Variants in NAALADL2 observed in about 807,000 individuals in gnomAD.
NAALADL2 encodes the protein N-acetylated alpha-linked acidic dipeptidase like 2.
NAALADL2 carries 76 observed loss-of-function variants against 87.2 expected under a neutral mutation model. The observed-to-expected ratio is 0.87, with a 90% CI of 0.72 to 1.05. The LOEUF is 1.05. Ranked by LOEUF, NAALADL2 falls within the 50% of genes least tolerant of loss-of-function variation. NAALADL2 has a pLI of 0.00. For missense variants in NAALADL2, 1,089 were observed against 945.8 expected, an observed-to-expected ratio of 1.15 and a Z score of -1.99; for synonymous variants, 354 against 331.0, an observed-to-expected ratio of 1.07 and a Z score of -0.75.
In NAALADL2 at chr3:175,425,170, C is replaced by T. The variant is rs143153943; in HGVS notation, c.1091-22059C>T. On this transcript the variant is annotated intron_variant, in intron 5 of 13. Coordinates refer to ENST00000454872, the MANE Select transcript of NAALADL2 (RefSeq NM_207015.3). ...AGCATTGTGGAACCATTCACAAATA[C>T]GGTATCAGTAGAGGAGTAGAGGAGA... Among the ~76,000 whole-genome samples the T allele has an allele frequency of 3.3e-5, 5 of 152,196 alleles. No individual in the cohort carries two copies. The East Asian group carries it at 7.7e-4, about 24-fold the overall frequency.
At chr3:175,308,548 G>A (rs1246096581) in intron 4 of NAALADL2, among the ~76,000 whole-genome samples, 1 of 152,140 alleles carries the variant, frequency 6.6e-6, no homozygotes, top group Non-Finnish European at 1.5e-5. Context: ...TAGCATGTTG[G>A]TTTAACAGTG....
intron 1 of NAALADL2, among the ~76,000 whole-genome samples, chr3:174,548,724 T>G (rs1270388679): frequency 6.6e-6 from 1 of 152,234 alleles, no homozygotes; most frequent in African/African-American, 2.4e-5. Flanking sequence ...GAAAAGGCAC[T>G]GACTCCTATC....
At chr3:174,442,054 T>C (rs1714692454) in intron 1 of NAALADL2, among the ~76,000 whole-genome samples, 2 of 152,118 alleles carry the variant, frequency 1.3e-5, no homozygotes, top group South Asian at 4.2e-4. Context: ...TTAAAAATTA[T>C]GTCATAGGAT....
chr3:174,896,906 A>G (rs1344808288), intron 1 of NAALADL2, among the ~76,000 whole-genome samples: 1 of 152,178 alleles, frequency 6.6e-6, no homozygotes, highest in Non-Finnish European at 1.5e-5. Context: ...ATAAGTTTCC[A>G]AAAGCATGCA....
chr3:175,520,423 C>G (rs984402691), intron 9 of NAALADL2, among the ~76,000 whole-genome samples: 2 of 151,264 alleles, frequency 1.3e-5, no homozygotes, highest in African/African-American at 4.9e-5. Context: ...CTCAGCCTCC[C>G]GAGTAGCTGG....
intron 1 of NAALADL2, among the ~76,000 whole-genome samples, chr3:174,918,888 T>C (rs1031342916): frequency 3.3e-5 from 5 of 151,872 alleles, no homozygotes; most frequent in African/African-American, 9.7e-5. Flanking sequence ...CCACAGACCC[T>C]ATCTGGCAAT....
At chr3:175,138,394 T>A (rs75113361) in intron 2 of NAALADL2, among the ~76,000 whole-genome samples, 1 of 151,294 alleles carries the variant, frequency 6.6e-6, no homozygotes, top group East Asian at 1.9e-4. Context: ...ACGTTTTGGA[T>A]TTTTTTTTAG....
At chr3:174,487,240 T>A (rs1438110090) in intron 1 of NAALADL2, among the ~76,000 whole-genome samples, 1 of 152,080 alleles carries the variant, frequency 6.6e-6, no homozygotes, top group Non-Finnish European at 1.5e-5. Flanking sequence ...AGTTTGTTCA[T>A]ATGAGCCAAA....
chr3:175,195,267 C>CAATG (rs898776069), intron 2 of NAALADL2, among the ~76,000 whole-genome samples: 1 of 151,596 alleles, frequency 6.6e-6, no homozygotes, highest in Non-Finnish European at 1.5e-5. Flanking sequence ...GGGGAAGAGA[C>CAATG]AATGAATAGA....
intron 1 of NAALADL2, among the ~76,000 whole-genome samples, chr3:174,909,075 A>T (rs1444112894): frequency 6.6e-6 from 1 of 152,046 alleles, no homozygotes; most frequent in East Asian, 1.9e-4. Context: ...AGTAGCTAAA[A>T]TATGCATGTA....
chr3:175,799,144 ATTGTACTCTCTC>A (rs1753836621), intron 13 of NAALADL2, among the ~76,000 whole-genome samples: 1 of 152,078 alleles, frequency 6.6e-6, no homozygotes, highest in South Asian at 2.1e-4. Context: ...AAAAATATCG[ATTGTACTCTCTC>A]TTAAATTCTG....
intron 1 of NAALADL2, among the ~76,000 whole-genome samples, chr3:175,095,647 C>A (rs1357279648): frequency 6.6e-6 from 1 of 152,064 alleles, no homozygotes; most frequent in Non-Finnish European, 1.5e-5. Flanking sequence ...CATAATGCCA[C>A]TCCCTTTGTG....
At chr3:175,396,999 T>G (rs1309565240) in intron 5 of NAALADL2, among the ~76,000 whole-genome samples, 1 of 152,076 alleles carries the variant, frequency 6.6e-6, no homozygotes, top group East Asian at 1.9e-4. Context: ...ACGAATACAC[T>G]TGCTTACTGA....
intron 11 of NAALADL2, among the ~76,000 whole-genome samples, chr3:175,645,806 A>G (rs1446341175): frequency 6.6e-6 from 1 of 152,134 alleles, no homozygotes; most frequent in Non-Finnish European, 1.5e-5. Flanking sequence ...AGACAGTGTG[A>G]AAGGGTTCTA....
In NAALADL2 at chr3:174,516,380, C is replaced by T. The variant is rs532817568; in HGVS notation, c.-183-34189C>T. On this transcript the variant is annotated intron_variant, in intron 1 of 3. Coordinates refer to the NAALADL2 transcript ENST00000434257. ...TGAGACCTTTGTTTTTTCCTCCTGTCTTGGGGGAGTAAGGAGTTTACTACT... is the reference window on the plus strand; with the variant it reads ...TGAGACCTTTGTTTTTTCCTCCTGTTTTGGGGGAGTAAGGAGTTTACTACT... 9.9e-5 allele frequency among the ~76,000 whole-genome samples: 15 copies of T among 152,102 alleles called. 1 individual carries two copies. The South Asian group carries it at 2.7e-3, about 27-fold the overall frequency.
intron 1 of NAALADL2, among the ~76,000 whole-genome samples, chr3:174,913,181 A>G (rs375459967): frequency 1.7e-4 from 26 of 152,244 alleles, no homozygotes; most frequent in African/African-American, 6.3e-4. Flanking sequence ...CTTTCCCTAT[A>G]AATTATTTTC....
intron 1 of NAALADL2, among the ~76,000 whole-genome samples, chr3:175,028,876 G>A (rs998083420): frequency 1.3e-5 from 2 of 151,368 alleles, no homozygotes; most frequent in African/African-American, 2.4e-5. Context: ...GTCTCACTTC[G>A]TAGTGTTTCT....
chr3:174,812,720 T>A (rs1720352880), intron 3 of NAALADL2, among the ~76,000 whole-genome samples: 1 of 152,066 alleles, frequency 6.6e-6, no homozygotes, highest in Non-Finnish European at 1.5e-5. Context: ...GTAATACTGA[T>A]GATGCTGATC....
chr3:175,047,102 C>G (rs1354708788), intron 1 of NAALADL2, among the ~76,000 whole-genome samples: 1 of 152,122 alleles, frequency 6.6e-6, no homozygotes, highest in Non-Finnish European at 1.5e-5. Flanking sequence ...TTCACAATGG[C>G]TCCACTGTCA....
Sources: allele counts gnomAD v4.1 joint callset (sites outside exome capture counted in the v4.1 genomes callset), GRCh38; gene constraint gnomAD v4.1.1; transcripts MANE v1.5; gene names NCBI Gene and HGNC (gene_info 2026-07-23, HGNC 2026-07-21).